Variants in TMEM201 observed in about 807,000 individuals in gnomAD.
TMEM201 encodes the protein RP13-15M17.2.
In TMEM201, 26 loss-of-function variants were observed where a neutral mutation model predicts 63.4. The ratio of observed to expected loss-of-function variants is 0.41; its 90% CI spans 0.30 to 0.57. TMEM201 has a LOEUF of 0.57. Ranked by LOEUF, TMEM201 falls within the 20% of genes least tolerant of loss-of-function variation. TMEM201 has a pLI of 0.29. For synonymous variants in TMEM201, 417 were observed against 421.6 expected (o/e 0.99, Z 0.14); for missense variants, 794 against 917.7 (o/e 0.87, Z 1.74).
At chr1:9,609,642 C>T (rs768382009) in intron 7 of TMEM201, among the ~76,000 whole-genome samples, 198 bp from the exon 8 acceptor site, 12 of 152,292 alleles carry the variant, frequency 7.9e-5, no homozygotes, top group East Asian at 1.9e-4. Context: ...GCCCAAGCCT[C>T]AGTTTCTTTA....
chr1:9,595,793 C>T, intron 1 of TMEM201, 97 bp from the exon 2 acceptor site: 1 of 1,561,914 alleles, frequency 6.4e-7, no homozygotes, highest in Non-Finnish European at 8.7e-7. Flanking sequence ...CCACTCCCAG[C>T]ACCCTTTCCC....
intron 4 of TMEM201, among the ~76,000 whole-genome samples, chr1:9,598,880 C>G (rs1644080428): frequency 6.6e-6 from 1 of 151,662 alleles, no homozygotes; most frequent in African/African-American, 2.4e-5. Context: ...AACTCCCGAT[C>G]TCTGGTGATC....
At position 9,603,796 on chromosome 1, in the gene TMEM201, G is replaced by C. The variant is rs1348070290; in HGVS notation, c.1160+1524G>C. The C allele has an allele frequency of 6.1e-6, 6 of 985,348 alleles. No homozygotes were observed. The Admixed American group carries it at 1.8e-4, about 30-fold the overall frequency. 61.0% of individuals were successfully genotyped at this position (985,348 alleles called of 1,614,324 possible). On this transcript the variant is annotated intron_variant, in intron 6 of 10. Coordinates refer to ENST00000340381, the MANE Select transcript of TMEM201 (RefSeq NM_001130924.3). This position sits in a 1 kb window ranked among gnomAD's most constrained non-coding sequence, Gnocchi z 4.5. ...AGTGAGGAACCCAGGTGCATCGGGA[G>C]ACCCTCGGGGGCTTCTGTGGCCTCT...
chr1:9,597,882 C>T (rs894141091), intron 3 of TMEM201, among the ~76,000 whole-genome samples: 4 of 152,220 alleles, frequency 2.6e-5, no homozygotes, highest in African/African-American at 7.2e-5. Context: ...CAGGCCAAAA[C>T]GTTTGCTTCC....
At position 9,601,348 on chromosome 1, in the gene TMEM201, G is replaced by C. The variant is rs762189281; in HGVS notation, c.850G>C (p.Glu284Gln). 6.2e-7 allele frequency: 1 copy of C among 1,607,864 alleles called. No individual in the cohort carries two copies. Among genetic ancestry groups the C allele is most frequent in the Non-Finnish European group, 8.5e-7 (1 of 1,179,866 alleles). Residue 284 changes from glutamate (E) to glutamine (Q), a missense_variant, in exon 5 of 11, where the codon GAG becomes CAG. By Grantham distance (29) the Glu-to-Gln change is conservative (BLOSUM62 2). Coordinates refer to ENST00000340381, the MANE Select transcript of TMEM201 (RefSeq NM_001130924.3). ...GGGCCTACTCCCCGAGCACATGGCG[G>C]AGAAGCTGTGTGAGGCCTGGGCCTT... The part of the protein sequence containing the change: ...LLGLLPEHMA[E>Q]KLCEAWAFGQ...
intron 1 of TMEM201, among the ~76,000 whole-genome samples, chr1:9,592,752 G>A (rs975454227): frequency 2.6e-5 from 4 of 152,234 alleles, no homozygotes; most frequent in African/African-American, 9.7e-5. Flanking sequence ...GCATGCAGCT[G>A]CCCTAGCTTT....
intron 2 of TMEM201, among the ~76,000 whole-genome samples, chr1:9,596,234 G>A (rs547557596): frequency 2.0e-5 from 3 of 152,350 alleles, no homozygotes; most frequent in South Asian, 4.1e-4. Flanking sequence ...GGAACCCGAC[G>A]CAGGGAGCCA....
intron 4 of TMEM201, among the ~76,000 whole-genome samples, chr1:9,599,059 G>A (rs1027545686): frequency 6.7e-6 from 1 of 150,018 alleles, no homozygotes; most frequent in Non-Finnish European, 1.5e-5. Context: ...TCCCGTCTCA[G>A]CCTCCCGAGT....
Position 9,601,286 on chromosome 1 carries a change from G to C in TMEM201, c.788G>C (p.Gly263Ala), listed in dbSNP as rs1210358872. 2.5e-6 allele frequency: 4 copies of C among 1,610,374 alleles called. No individual in the cohort carries two copies. The highest frequency in any genetic ancestry group is 1.3e-5 in the African/African-American group (1 of 74,942). ...AATGGCTCAGCCACACCTGACAATG[G>C]CACCACCCCTGGGGCCGAGGGCTGG... ...GGNGSATPDN[G>A]TTPGAEGWRQ... is the part of the protein sequence containing the mutation. Residue 263 changes from glycine (G) to alanine (A), a missense_variant, in exon 5 of 11, where the codon GGC (glycine) becomes GCC (alanine). Coordinates refer to ENST00000340381, the MANE Select transcript of TMEM201 (RefSeq NM_001130924.3).
At position 9,610,481 on chromosome 1, in the gene TMEM201, A is replaced by G. The variant is rs1208518257; in HGVS notation, c.1466-25A>G. 1 of 1,490,784 alleles carries G rather than the reference A, an allele frequency of 6.7e-7. No individual in the cohort carries two copies. The highest frequency in any genetic ancestry group is 9.0e-7 in the Non-Finnish European group (1 of 1,116,146). 92.3% of individuals were successfully genotyped at this position (1,490,784 alleles called of 1,614,324 possible). ...GTTGCAGTGACAGGAGCCCACGTTC[A>G]CATCATCTTCCTCCCTCCCTCCAGA... On this transcript the variant is annotated intron_variant, in intron 8 of 10. Transcript: ENST00000340381. This position sits in a 1 kb window ranked among gnomAD's most constrained non-coding sequence, Gnocchi z 4.9.
Position 9,610,477 on chromosome 1 carries a change from G to C in TMEM201, c.1466-29G>C. The C allele has an allele frequency of 2.0e-6, 3 of 1,487,328 alleles. No homozygotes were observed. Among genetic ancestry groups the C allele is most frequent in the Non-Finnish European group, 2.7e-6 (3 of 1,114,558 alleles). 92.1% of individuals were successfully genotyped at this position (1,487,328 alleles called of 1,614,324 possible). On this transcript the variant is annotated intron_variant, in intron 8 of 10. Transcript: ENST00000340381. The surrounding 1 kb of genome is among the most constrained non-coding windows in gnomAD (Gnocchi z 4.9). The stretch of plus-strand genomic sequence containing the variant: ...TAGCGTTGCAGTGACAGGAGCCCAC[G>C]TTCACATCATCTTCCTCCCTCCCTC...
intron 4 of TMEM201, among the ~76,000 whole-genome samples, chr1:9,600,083 G>C (rs189238009): frequency 5.6e-4 from 85 of 152,252 alleles, no homozygotes; most frequent in African/African-American, 1.8e-3. Flanking sequence ...GAGGTAGCAC[G>C]GCTGTGTCCC....
In TMEM201 at chr1:9,599,445, C is replaced by T. The variant is rs1314525751; in HGVS notation, c.606+820C>T. Among the ~76,000 whole-genome samples the T allele has an allele frequency of 2.6e-5, 4 of 151,314 alleles. No individual in the cohort carries two copies. In the South Asian group the frequency reaches 6.3e-4, roughly 24 times the overall value. ...ATATTTTAGTAGAGACGAGGTTTCA[C>T]CCTGTTGCTCAGGCTGGTCTTGAAC... On this transcript the variant is annotated intron_variant, in intron 4 of 10. Transcript: ENST00000340381.
At chr1:9,590,942 G>A (rs969995320) in intron 1 of TMEM201, among the ~76,000 whole-genome samples, 1 of 152,244 alleles carries the variant, frequency 6.6e-6, no homozygotes, top group African/African-American at 2.4e-5. Context: ...GGCATGTAAG[G>A]AGAGCTGTTT....
intron 10 of TMEM201, among the ~76,000 whole-genome samples, chr1:9,612,312 C>T (rs1644335436): frequency 6.6e-6 from 1 of 152,212 alleles, no homozygotes; most frequent in Non-Finnish European, 1.5e-5. Flanking sequence ...GGGACCACGT[C>T]ACGCTGGGGC....
At chr1:9,600,924 C>A (rs1447910708) in intron 4 of TMEM201, among the ~76,000 whole-genome samples, 181 bp from the exon 5 acceptor site, 1 of 152,128 alleles carries the variant, frequency 6.6e-6, no homozygotes, top group Non-Finnish European at 1.5e-5. Flanking sequence ...GGTGGTAGAG[C>A]AGCACTCCTC....
intron 6 of TMEM201, 95 bp downstream of exon 6, chr1:9,602,367 C>T: frequency 6.5e-7 from 1 of 1,527,124 alleles, no homozygotes; most frequent in South Asian, 1.2e-5. Context: ...TGTCCTGCCT[C>T]TTTTCACCTG....
At chr1:9,590,201 G>C (rs1296756276) in intron 1 of TMEM201, among the ~76,000 whole-genome samples, 1 of 152,152 alleles carries the variant, frequency 6.6e-6, no homozygotes, top group Admixed American at 6.5e-5. Flanking sequence ...GTCTCTCCAT[G>C]TCGGTTTCTG....
Position 9,613,201 on chromosome 1 carries a change from C to T in TMEM201, c.*118C>T, listed in dbSNP as rs559111348. On this transcript the variant is annotated 3_prime_UTR_variant, in exon 11 of 11. Transcript: ENST00000340381. ...CTGCCCTCATCTCCAGGGCCTTGAC[C>T]TCACTGGACTGTGACTGTCCTCAGG... 8.7e-6 allele frequency: 8 copies of T among 918,206 alleles called. No homozygotes were observed. The highest frequency in any genetic ancestry group is 5.9e-5 in the South Asian group (4 of 67,332). The allele number at this position is 918,206 out of a possible 1,614,324, so 56.9% of individuals were successfully genotyped here. A position where few individuals can be genotyped will look rare whatever the true frequency, so the allele number is the denominator to read the frequency against.
Sources: allele counts gnomAD v4.1 joint callset (sites outside exome capture counted in the v4.1 genomes callset), GRCh38; gene constraint gnomAD v4.1.1; non-coding constraint Gnocchi (gnomAD v3.1); transcripts MANE v1.5; gene names NCBI Gene and HGNC (gene_info 2026-07-23, HGNC 2026-07-21).